The following CTNND2 variants were observed in gnomAD, a reference collection of about 807,000 sequenced individuals.
CTNND2 encodes the protein catenin delta-2.
In CTNND2, 22 loss-of-function variants were observed where a neutral mutation model predicts 144.4. The ratio of observed to expected loss-of-function variants is 0.15; its 90% CI spans 0.11 to 0.22. The LOEUF (loss-of-function observed/expected upper bound fraction) is 0.22. CTNND2 is among the 10% of genes least tolerant of loss of function. The probability of loss-of-function intolerance (pLI) is 1.00; values close to 1 mark genes in which losing one functional copy is unlikely to be tolerated. For missense variants in CTNND2, 1,353 were observed against 1,618.8 expected (o/e 0.84, Z 2.82); for synonymous variants, 751 against 695.6 (o/e 1.08, Z -1.25).
At chr5:11,527,857 T>A (rs1337233966) in intron 3 of CTNND2, among the ~76,000 whole-genome samples, 2 of 152,206 alleles carry the variant, frequency 1.3e-5, no homozygotes, top group Non-Finnish European at 2.9e-5. Flanking sequence ...ATAAATGTCT[T>A]CCTAACAGTT....
chr5:11,789,637 T>A (rs1791027679), intron 1 of CTNND2, among the ~76,000 whole-genome samples: 1 of 152,164 alleles, frequency 6.6e-6, no homozygotes, highest in Non-Finnish European at 1.5e-5. Flanking sequence ...TTTCAGTTAC[T>A]CCCTTGGGTT....
Position 10,988,311 on chromosome 5 carries a change from C to A in CTNND2, c.3212-69G>T. 6.3e-7 allele frequency: 1 copy of A among 1,588,722 alleles called. No homozygotes were observed. Among genetic ancestry groups the A allele is most frequent in the Non-Finnish European group, 8.6e-7 (1 of 1,161,312 alleles). ...ACAGCGTGTGTGCCTTCCACACAGT[C>A]AGGGTCCTCACTATGCATGGTCCCG... On this transcript the variant is annotated intron_variant, in intron 19 of 21. Transcript: ENST00000304623. The surrounding 1 kb of genome is among the most constrained non-coding windows in gnomAD (Gnocchi z 5.9).
chr5:11,204,155 AG>A (rs1468494304), intron 10 of CTNND2, among the ~76,000 whole-genome samples: 1 of 152,212 alleles, frequency 6.6e-6, no homozygotes, highest in Non-Finnish European at 1.5e-5. Context: ...CCCCATCCCC[AG>A]GGGAAACAAA....
intron 3 of CTNND2, among the ~76,000 whole-genome samples, chr5:11,429,468 G>A (rs1017371945): frequency 1.3e-5 from 2 of 152,172 alleles, no homozygotes; most frequent in South Asian, 2.1e-4. Context: ...AGCAGGACCC[G>A]GAGTGAGCCC....
intron 3 of CTNND2, among the ~76,000 whole-genome samples, chr5:11,521,907 C>A (rs1458371977): frequency 6.6e-6 from 1 of 152,152 alleles, no homozygotes; most frequent in African/African-American, 2.4e-5. Flanking sequence ...AATTTATAAC[C>A]TCTCCTTTCT....
chr5:11,053,548 A>T (rs1169517754), intron 16 of CTNND2, among the ~76,000 whole-genome samples: 3 of 152,224 alleles, frequency 2.0e-5, no homozygotes, highest in East Asian at 3.8e-4. Context: ...TGCAGCGCTA[A>T]TGGGTATTAA....
At chr5:11,464,299 C>T (rs1296233595) in intron 3 of CTNND2, among the ~76,000 whole-genome samples, 2 of 152,112 alleles carry the variant, frequency 1.3e-5, no homozygotes, top group African/African-American at 4.8e-5. Flanking sequence ...CAGAAAGTGT[C>T]AAGGGTTCAG....
At chr5:11,877,596 T>C (rs1735660560) in intron 1 of CTNND2, among the ~76,000 whole-genome samples, 1 of 152,154 alleles carries the variant, frequency 6.6e-6, no homozygotes, top group Admixed American at 6.5e-5. Context: ...TTAACTCTGA[T>C]ATTTAAAGTA....
intron 9 of CTNND2, among the ~76,000 whole-genome samples, chr5:11,286,203 T>A (rs1747736377): frequency 6.6e-6 from 1 of 151,828 alleles, no homozygotes; most frequent in Admixed American, 6.6e-5. Context: ...TTTAGACATA[T>A]AAAGAACAAA....
chr5:11,822,180 G>A (rs1340340371), intron 1 of CTNND2, among the ~76,000 whole-genome samples: 1 of 152,142 alleles, frequency 6.6e-6, no homozygotes, highest in Non-Finnish European at 1.5e-5. Flanking sequence ...TAAAGTTAAT[G>A]ACAGAACAGG....
chr5:11,798,260 A>C (rs1439730769), intron 1 of CTNND2, among the ~76,000 whole-genome samples: 1 of 132,394 alleles, frequency 7.6e-6, no homozygotes, highest in African/African-American at 2.9e-5. Flanking sequence ...AGACTGTTTC[A>C]AAAAAAAAAA....
intron 9 of CTNND2, among the ~76,000 whole-genome samples, chr5:11,264,759 G>A (rs1745270113): frequency 1.3e-5 from 2 of 152,110 alleles, no homozygotes; most frequent in African/African-American, 4.8e-5. Flanking sequence ...GGGAAACCCT[G>A]TCTGTACTAA....
chr5:11,520,324 C>A (rs1010407941), intron 3 of CTNND2, among the ~76,000 whole-genome samples: 4 of 152,132 alleles, frequency 2.6e-5, no homozygotes, highest in Admixed American at 2.6e-4. Flanking sequence ...CACAGCCCTG[C>A]CACCAGGAAA....
chr5:11,730,158 T>G (rs934057401), intron 2 of CTNND2, among the ~76,000 whole-genome samples: 2 of 152,182 alleles, frequency 1.3e-5, no homozygotes, highest in Admixed American at 1.3e-4. Flanking sequence ...CTAGTAGTAT[T>G]CATATTGTGA....
intron 16 of CTNND2, among the ~76,000 whole-genome samples, chr5:11,029,444 A>G (rs1428778058): frequency 6.6e-6 from 1 of 152,104 alleles, no homozygotes; most frequent in Non-Finnish European, 1.5e-5. Flanking sequence ...TTTCGTCTAT[A>G]TAGTTTAATG....
chr5:11,347,069 T>A (rs879261496), intron 8 of CTNND2, among the ~76,000 whole-genome samples: 5 of 152,198 alleles, frequency 3.3e-5, no homozygotes, highest in Non-Finnish European at 4.4e-5. Flanking sequence ...TAATTAGTAA[T>A]GTAGTTAATT....
intron 10 of CTNND2, among the ~76,000 whole-genome samples, chr5:11,217,794 T>C (rs1169933405): frequency 6.6e-6 from 1 of 152,214 alleles, no homozygotes; most frequent in East Asian, 1.9e-4. Context: ...GGTCAGTATG[T>C]TCAAAAGCTT....
intron 10 of CTNND2, among the ~76,000 whole-genome samples, chr5:11,234,730 A>T (rs1219100995): frequency 6.6e-6 from 1 of 152,214 alleles, no homozygotes. Context: ...TGGGCCATGA[A>T]GCCTGCATTG....
At chr5:11,522,854 A>G (rs1056432809) in intron 3 of CTNND2, among the ~76,000 whole-genome samples, 2 of 152,226 alleles carry the variant, frequency 1.3e-5, no homozygotes, top group Non-Finnish European at 2.9e-5. Context: ...TTACTATGAT[A>G]AATACTGTCT....
Sources: allele counts gnomAD v4.1 joint callset (sites outside exome capture counted in the v4.1 genomes callset), GRCh38; gene constraint gnomAD v4.1.1; non-coding constraint Gnocchi (gnomAD v3.1); transcripts MANE v1.5; gene names NCBI Gene and HGNC (gene_info 2026-07-23, HGNC 2026-07-21).